PTPRT: variants seen among roughly 807,000 people sequenced by gnomAD.
The protein encoded by PTPRT is receptor-type tyrosine-protein phosphatase T.
Under a neutral mutation model 176.8 loss-of-function variants are expected in PTPRT, and 56 were observed. That is an observed-to-expected ratio of 0.32 (90% CI 0.26 to 0.40). The LOEUF (loss-of-function observed/expected upper bound fraction) is 0.40, where lower values mean the gene tolerates loss of function less well. Ranked by LOEUF, PTPRT falls within the 10% of genes least tolerant of loss-of-function variation. The pLI, the probability that PTPRT is intolerant of heterozygous loss-of-function variation, is 1.00. For synonymous variants in PTPRT, 783 were observed against 739.0 expected (o/e 1.06, Z -0.96); for missense variants, 1,540 against 1,908.2 (o/e 0.81, Z 3.60).
intron 16 of PTPRT, 27 bp downstream of exon 16, chr20:42,199,213 C>T: frequency 6.2e-7 from 1 of 1,611,608 alleles, no homozygotes; most frequent in South Asian, 1.1e-5. Flanking sequence ...CACGGATGTC[C>T]CCTTCCCCTT....
At chr20:42,209,630 G>T (rs7269956) in intron 15 of PTPRT, among the ~76,000 whole-genome samples, 2 of 151,722 alleles carry the variant, frequency 1.3e-5, no homozygotes, top group African/African-American at 4.8e-5. Context: ...ACCAATAACA[G>T]GATCTGAAAT....
chr20:42,096,756 ATTTTTTTT>A lies in PTPRT; in HGVS notation c.3846+1657_3846+1664del, dbSNP rs58111170. ...ATGGCACCATGCCTGGCTAATTAAA[ATTTTTTTT>A]TTTTTTTTTTTTTTTTGTAGAGACA... On this transcript the variant is annotated intron_variant, in intron 27 of 30. Coordinates refer to ENST00000373187, the MANE Select transcript of PTPRT (RefSeq NM_007050.6). Among the ~76,000 whole-genome samples, 315 of 118,858 alleles carry A rather than the reference ATTTTTTTT, an allele frequency of 2.7e-3. 2 individuals carry two copies. Among genetic ancestry groups the A allele is most frequent in the African/African-American group, 9.3e-3 (296 of 31,972 alleles). 78.0% of individuals were successfully genotyped at this position (118,858 alleles called of 152,430 possible).
At chr20:42,064,429 T>C in the PTPRT span, among the ~76,000 whole-genome samples, 2 of 152,160 alleles carry the variant, frequency 1.3e-5, no homozygotes, top group Non-Finnish European at 2.9e-5. Context: ...TAGAGTTCTA[T>C]AGCTTTCTTT....
intron 9 of PTPRT, among the ~76,000 whole-genome samples, chr20:42,387,856 A>G (rs2058759544): frequency 6.6e-6 from 1 of 151,246 alleles, no homozygotes; most frequent in Admixed American, 6.6e-5. Flanking sequence ...CAATGGCGCA[A>G]TCTTGGCTCA....
chr20:42,992,736 G>T (rs894502208), intron 1 of PTPRT, among the ~76,000 whole-genome samples: 2 of 152,164 alleles, frequency 1.3e-5, no homozygotes, highest in African/African-American at 2.4e-5. Context: ...CATGGATCAG[G>T]AATCACTAGC....
rs1199398101 is a variant in PTPRT, at chr20:42,791,205, T to C, written c.476A>G (p.His159Arg). ...AELAISTFWP[H>R]FYQVIFESVS... ...GGTAAAATGCCATACCTGATAGAAA[T>C]GTGGCCAGAAAGTGCTGATGGCGAG... Residue 159 changes from histidine (H) to arginine (R), a missense_variant, in exon 3 of 31, where the codon CAT becomes CGT. Physicochemically the swap from His to Arg is conservative, Grantham distance 29 (BLOSUM62 0). Transcript: ENST00000373187. 1 of 1,587,142 alleles carries C rather than the reference T, an allele frequency of 6.3e-7. No homozygotes were observed. Among genetic ancestry groups the C allele is most frequent in the Non-Finnish European group, 8.6e-7 (1 of 1,166,100 alleles).
chr20:42,713,356 G>A (rs2076174610), intron 6 of PTPRT, among the ~76,000 whole-genome samples: 2 of 152,150 alleles, frequency 1.3e-5, no homozygotes, highest in African/African-American at 4.8e-5. Flanking sequence ...GCCAGGGGTT[G>A]AATAAGAATC....
intron 6 of PTPRT, among the ~76,000 whole-genome samples, chr20:42,699,285 T>C (rs2075936071): frequency 6.6e-6 from 1 of 152,146 alleles, no homozygotes; most frequent in Non-Finnish European, 1.5e-5. Context: ...GTATATGTGA[T>C]CATTTTGCAC....
At chr20:42,960,586 T>C (rs1981930678) in intron 1 of PTPRT, among the ~76,000 whole-genome samples, 1 of 152,190 alleles carries the variant, frequency 6.6e-6, no homozygotes, top group Non-Finnish European at 1.5e-5. Flanking sequence ...TTAATAGAAG[T>C]ACCTTCTCTC....
At chr20:43,149,588 A>G (rs2014277161) in intron 1 of PTPRT, among the ~76,000 whole-genome samples, 1 of 152,232 alleles carries the variant, frequency 6.6e-6, no homozygotes, top group Admixed American at 6.5e-5. Context: ...TGAGCAAGCA[A>G]CTGAACCTCT....
At chr20:42,868,227 A>G (rs565753240) in intron 2 of PTPRT, among the ~76,000 whole-genome samples, 9 of 152,218 alleles carry the variant, frequency 5.9e-5, no homozygotes, top group Non-Finnish European at 1.0e-4. Context: ...GAAAGGCTCA[A>G]TCTTCTTAGA....
rs771304497 is a variant in PTPRT, at chr20:42,648,822, T to TTTTTTTTTTGTTTTTTTTTTTTG, written c.1153+29043_1153+29044insCAAAAAAAAAAAACAAAAAAAAA. Among the ~76,000 whole-genome samples, 61 of 42,346 alleles carry TTTTTTTTTTGTTTTTTTTTTTTG rather than the reference T, an allele frequency of 1.4e-3. 3 individuals are homozygous for TTTTTTTTTTGTTTTTTTTTTTTG. Among genetic ancestry groups the TTTTTTTTTTGTTTTTTTTTTTTG allele is most frequent in the African/African-American group, 4.7e-3 (59 of 12,484 alleles). The allele number at this position is 42,346 out of a possible 152,430, so 27.8% of individuals were successfully genotyped here. ...GGATTTTTTTTTTTGGTGTCGTTGT[T>TTTTTTTTTTGTTTTTTTTTTTTG]TTTTTTTTTTTTTTTTGACAGAGTC... On this transcript the variant is annotated intron_variant, in intron 7 of 30. Transcript: ENST00000373187.
At position 42,617,180 on chromosome 20, in the gene PTPRT, G is replaced by A. The variant is rs1469992105; in HGVS notation, c.1153+60686C>T. 1.7e-4 allele frequency among the ~76,000 whole-genome samples: 23 copies of A among 136,566 alleles called. 1 individual carries two copies. In the East Asian group the frequency reaches 3.1e-3, roughly 19 times the overall value. The allele number at this position is 136,566 out of a possible 152,430, so 89.6% of individuals were successfully genotyped here. A position where few individuals can be genotyped will look rare whatever the true frequency, so the allele number is the denominator to read the frequency against. On this transcript the variant is annotated intron_variant, in intron 7 of 30. Coordinates refer to ENST00000373187, the MANE Select transcript of PTPRT (RefSeq NM_007050.6). ...TTGAATTTTGTCAAAGGCTTTTTCCGCATCTATTGAGATAATCATGTGGTT... is the reference window on the plus strand; with the variant it reads ...TTGAATTTTGTCAAAGGCTTTTTCCACATCTATTGAGATAATCATGTGGTT...
intron 7 of PTPRT, among the ~76,000 whole-genome samples, chr20:42,663,068 C>T (rs1224607519): frequency 6.6e-6 from 1 of 151,768 alleles, no homozygotes; most frequent in Non-Finnish European, 1.5e-5. Context: ...GTCTCTGTAC[C>T]TATACCCAAG....
intron 7 of PTPRT, among the ~76,000 whole-genome samples, chr20:42,630,184 G>A (rs969905780): frequency 6.6e-6 from 1 of 152,088 alleles, no homozygotes; most frequent in African/African-American, 2.4e-5. Flanking sequence ...TGAAGATAGA[G>A]GAAGGGGCCA....
intron 1 of PTPRT, among the ~76,000 whole-genome samples, chr20:42,996,336 A>G (rs1340804578): frequency 6.6e-6 from 1 of 152,198 alleles, no homozygotes; most frequent in Admixed American, 6.5e-5. Context: ...AAGCAGTTAC[A>G]TTGGCCAATA....
intron 14 of PTPRT, among the ~76,000 whole-genome samples, chr20:42,237,419 T>C (rs2056267504): frequency 2.6e-5 from 4 of 152,200 alleles, no homozygotes; most frequent in African/African-American, 9.7e-5. Context: ...ACTAGATCAG[T>C]AATTTTCCAA....
At chr20:43,187,359 G>T (rs966638579) in intron 1 of PTPRT, among the ~76,000 whole-genome samples, 2 of 152,048 alleles carry the variant, frequency 1.3e-5, no homozygotes, top group East Asian at 3.8e-4. Context: ...ATTTATACTA[G>T]ATTTGAAATA....
At chr20:42,253,676 T>C (rs1406168353) in intron 13 of PTPRT, among the ~76,000 whole-genome samples, 3 of 152,142 alleles carry the variant, frequency 2.0e-5, no homozygotes, top group South Asian at 2.1e-4. Context: ...TGGGGAAGCT[T>C]TGAGGCTCTA....
Sources: allele counts gnomAD v4.1 joint callset (sites outside exome capture counted in the v4.1 genomes callset), GRCh38; gene constraint gnomAD v4.1.1; transcripts MANE v1.5; gene names NCBI Gene and HGNC (gene_info 2026-07-23, HGNC 2026-07-21).